FAM50B: variants seen among roughly 807,000 people sequenced by gnomAD.
FAM50B encodes the protein family with sequence similarity 50 member B, also known as protein FAM50B.
A neutral mutation model predicts 25.4 loss-of-function variants in FAM50B; 9 were observed. The observed-to-expected ratio is 0.35, with a 90% CI of 0.21 to 0.62. The LOEUF (loss-of-function observed/expected upper bound fraction) is 0.62. Among genes scored for constraint, FAM50B ranks in the 20% least tolerant of loss-of-function variants. The pLI, the probability that FAM50B is intolerant of heterozygous loss-of-function variation, is 0.73. For synonymous variants in FAM50B, 212 were observed against 204.3 expected (o/e 1.04, Z -0.32); for missense variants, 372 against 477.9 (o/e 0.78, Z 2.07).
rs368863482 is a variant in FAM50B, at chr6:3,850,435, G to A, written c.624G>A (p.Thr208=). ...CGGTGCGGGTGCGCAAGGGCAACAC[G>A]GTGCAGCAGTTCCTGAAGAAGGCGC... ...RRTVRVRKGN[T]VQQFLKKALQ... is the part of the protein sequence containing the mutation. The change falls in exon 2 of 2, where the codon ACG becomes ACA. Residue 208 remains threonine, a synonymous_variant. Coordinates refer to ENST00000648326, the MANE Select transcript of FAM50B (RefSeq NM_012135.3). 2.0e-5 allele frequency: 33 copies of A among 1,613,404 alleles called. No homozygotes were observed. The East Asian group carries it at 4.9e-4, about 24-fold the overall frequency.
chr6:3,834,085 C>T, the FAM50B span, among the ~76,000 whole-genome samples: 1 of 151,966 alleles, frequency 6.6e-6, no homozygotes, highest in Non-Finnish European at 1.5e-5. Flanking sequence ...TAATTTAGTA[C>T]CCTTTTTTGG....
At chr6:3,836,010 C>G in the FAM50B span, among the ~76,000 whole-genome samples, 3 of 152,142 alleles carry the variant, frequency 2.0e-5, no homozygotes, top group South Asian at 6.2e-4. Flanking sequence ...TACTGTAATG[C>G]CTAGTGTTGT....
Position 3,849,490 on chromosome 6 carries a change from A to C in FAM50B, c.-24+4A>C, listed in dbSNP as rs755766599. On this transcript the variant is annotated splice_donor_region_variant and intron_variant, in intron 1 of 1. Coordinates refer to ENST00000648326, the MANE Select transcript of FAM50B (RefSeq NM_012135.3). The stretch of plus-strand genomic sequence containing the variant: ...GCTCGACAGGGTGCTTGGGCAGGTA[A>C]GGGTCCGCTCAGTAGCCCAACCCTC... 6 of 286,230 alleles carry C rather than the reference A, an allele frequency of 2.1e-5. No homozygotes were observed. The highest frequency in any genetic ancestry group is 6.9e-5 in the East Asian group (1 of 14,396). The allele number at this position is 286,230 out of a possible 1,614,324, so 17.7% of individuals were successfully genotyped here.
the FAM50B span, among the ~76,000 whole-genome samples, chr6:3,835,690 T>C: frequency 1.3e-5 from 2 of 152,346 alleles, no homozygotes; most frequent in South Asian, 4.1e-4. Context: ...ATCCTAGCCT[T>C]GCACAACTCA....
At chr6:3,834,359 C>CAAAAAAAAAAAAAAAAAAATAAAAAA in the FAM50B span, among the ~76,000 whole-genome samples, 1 of 75,048 alleles carries the variant, frequency 1.3e-5, no homozygotes, top group African/African-American at 4.4e-5. Flanking sequence ...TGATATATGG[C>CAAAAAAAAAAAAAAAAAAATAAAAAA]AAAAAAAAAA....
the FAM50B span, among the ~76,000 whole-genome samples, chr6:3,832,889 G>A: frequency 3.3e-5 from 5 of 151,394 alleles, no homozygotes; most frequent in Non-Finnish European, 5.9e-5. Flanking sequence ...ACAGAGTCTC[G>A]CTCTGTCTCA....
chr6:3,848,377 G>A (rs1472314683), upstream of FAM50B, among the ~76,000 whole-genome samples: 1 of 152,206 alleles, frequency 6.6e-6, no homozygotes, highest in Non-Finnish European at 1.5e-5. Flanking sequence ...AGGCTCTTCT[G>A]TAATTGATTA....
chr6:3,837,948 C>T, the FAM50B span, among the ~76,000 whole-genome samples: 1 of 152,196 alleles, frequency 6.6e-6, no homozygotes, highest in Non-Finnish European at 1.5e-5. Flanking sequence ...ACACTGGGGA[C>T]CAAGTTTCCA....
chr6:3,832,324 A>G, the FAM50B span, among the ~76,000 whole-genome samples: 4 of 152,336 alleles, frequency 2.6e-5, no homozygotes, highest in African/African-American at 7.2e-5. Flanking sequence ...TTGTGTGTGT[A>G]TCACTTCCTT....
chr6:3,846,317 T>G (rs938579742), upstream of FAM50B, among the ~76,000 whole-genome samples: 2 of 152,264 alleles, frequency 1.3e-5, no homozygotes, highest in Admixed American at 1.3e-4. Flanking sequence ...TTCTAGTGCA[T>G]ATAAAAGTTA....
At chr6:3,836,748 G>T in the FAM50B span, among the ~76,000 whole-genome samples, 1 of 152,144 alleles carries the variant, frequency 6.6e-6, no homozygotes. Context: ...CAATGCCATT[G>T]GTGTCATGAT....
rs79086789 is a variant in FAM50B at position 3,849,505 on chromosome 6, G to A, written c.-24+19G>A. 2,436 of 369,466 alleles carry A rather than the reference G, an allele frequency of 6.6e-3. 51 individuals carry two copies. Among genetic ancestry groups the A allele is most frequent in the African/African-American group, 0.047 (2,244 of 48,142 alleles). The allele number at this position is 369,466 out of a possible 1,614,324, so 22.9% of individuals were successfully genotyped here. A position where few individuals can be genotyped will look rare whatever the true frequency, so the allele number is the denominator to read the frequency against. ...TGGGCAGGTAAGGGTCCGCTCAGTA[G>A]CCCAACCCTCTCTGTATGCAGCTCC... On this transcript the variant is annotated intron_variant, in intron 1 of 1. Coordinates refer to ENST00000648326, the MANE Select transcript of FAM50B (RefSeq NM_012135.3).
upstream of FAM50B, among the ~76,000 whole-genome samples, chr6:3,846,433 A>G (rs748709337): frequency 7.9e-5 from 12 of 152,370 alleles, no homozygotes; most frequent in Middle Eastern, 3.4e-3. Context: ...AATGCTAATG[A>G]TCCTCTGAGC....
At chr6:3,848,542 T>C (rs1383662146), upstream of FAM50B, among the ~76,000 whole-genome samples, 2 of 152,230 alleles carry the variant, frequency 1.3e-5, no homozygotes, top group Non-Finnish European at 2.9e-5. Context: ...CTCACAGGCA[T>C]TGTTGCTCTT....
chr6:3,850,310 G>C lies in FAM50B; in HGVS notation c.499G>C (p.Glu167Gln). ...CGAGGAGGAGGAGAACCGGCTCCGA[G>C]AGGAGCTGCGCCAAGAGTGGGAGGC... ...DREEEENRLREELRQEWEAQR... is the reference protein window; with the variant it reads ...DREEEENRLRQELRQEWEAQR... Residue 167 changes from glutamate to glutamine, a missense_variant, in exon 2 of 2, where the codon GAG (glutamate) becomes CAG (glutamine). Glu to Gln is a conservative substitution (Grantham distance 29). Around this residue, in one of 4 missense-constraint regions of FAM50B, gnomAD observed 224 missense variants for 232.2 expected, o/e 0.96. Coordinates refer to ENST00000648326, the MANE Select transcript of FAM50B (RefSeq NM_012135.3). 1 of 1,613,332 alleles carries C rather than the reference G, an allele frequency of 6.2e-7. No individual in the cohort carries two copies. Among genetic ancestry groups the C allele is most frequent in the African/African-American group, 1.3e-5 (1 of 75,062 alleles).
the FAM50B span, among the ~76,000 whole-genome samples, chr6:3,840,464 TCTC>T: frequency 9.2e-6 from 1 of 108,254 alleles, no homozygotes; most frequent in Non-Finnish European, 1.9e-5. Context: ...CAAGAGCAAA[TCTC>T]CTTCTCAAAA....
At position 3,850,829 on chromosome 6, in the gene FAM50B, C is replaced by T. The variant is rs1025105995; in HGVS notation, c.*40C>T. The T allele has an allele frequency of 1.2e-6, 2 of 1,600,174 alleles. No individual in the cohort carries two copies. The highest frequency in any genetic ancestry group is 3.4e-5 in the Admixed American group (2 of 58,156). Reference sequence around the variant, plus strand: ...AGCGGAAACCGGGGGTGGGGGGAGACACTCATTTCTAGGCCCCATCACCAG... The same window carrying T: ...AGCGGAAACCGGGGGTGGGGGGAGATACTCATTTCTAGGCCCCATCACCAG... On this transcript the variant is annotated 3_prime_UTR_variant, in exon 2 of 2. Coordinates refer to ENST00000648326, the MANE Select transcript of FAM50B (RefSeq NM_012135.3).
chr6:3,839,140 T>C, the FAM50B span, among the ~76,000 whole-genome samples: 4 of 151,798 alleles, frequency 2.6e-5, no homozygotes, highest in Non-Finnish European at 4.4e-5. Context: ...GGCATGAGCA[T>C]CTGCTTCTGC....
chr6:3,845,436 C>T (rs188002970), upstream of FAM50B, among the ~76,000 whole-genome samples: 11 of 152,048 alleles, frequency 7.2e-5, no homozygotes, highest in African/African-American at 2.7e-4. Flanking sequence ...GTATTTGTGG[C>T]CAAACGATAG....
Sources: gnomAD v4.1 joint callset for allele counts (sites outside exome capture counted in the v4.1 genomes callset) on GRCh38, gnomAD v4.1.1 for gene constraint, gnomAD v4.1.1 regional missense constraint, MANE v1.5 for transcripts, NCBI Gene and HGNC (gene_info 2026-07-23, HGNC 2026-07-21) for gene names.